CTNNBL1: variants seen among roughly 807,000 people sequenced by gnomAD.
The protein encoded by CTNNBL1 is catenin beta like 1.
CTNNBL1 carries 31 observed loss-of-function variants against 72.7 expected under a neutral mutation model. The ratio of observed to expected loss-of-function variants is 0.43; its 90% CI spans 0.32 to 0.58. The LOEUF is 0.58. Ranked by LOEUF, CTNNBL1 falls within the 20% of genes least tolerant of loss-of-function variation. The pLI is 0.08. For missense variants in CTNNBL1, 534 were observed against 725.1 expected, an observed-to-expected ratio of 0.74 and a Z score of 3.03; for synonymous variants, 240 against 267.3, an observed-to-expected ratio of 0.90 and a Z score of 1.00.
intron 4 of CTNNBL1, among the ~76,000 whole-genome samples, chr20:37,753,204 G>T (rs2073336019): frequency 6.6e-6 from 1 of 152,096 alleles, no homozygotes. Flanking sequence ...TGAAAGTTGG[G>T]AATTTATATA....
rs1284213808 is a variant in CTNNBL1, at chr20:37,721,854, G to A, written c.31-11025G>A. 2.6e-5 allele frequency among the ~76,000 whole-genome samples: 4 copies of A among 152,124 alleles called. No homozygotes were observed. The East Asian group carries it at 7.7e-4, about 29-fold the overall frequency. ...GTATATGTGTGAGCATTTCTCTAGT[G>A]TCTATGTCCCTAGGAGTAGAACTAC... is the stretch of plus-strand genomic sequence containing the variant. On this transcript the variant is annotated intron_variant, in intron 1 of 15. Transcript: ENST00000361383.
intron 12 of CTNNBL1, among the ~76,000 whole-genome samples, chr20:37,840,422 G>T (rs997765303): frequency 1.3e-5 from 2 of 152,202 alleles, no homozygotes; most frequent in African/African-American, 4.8e-5. Context: ...GATACCACTA[G>T]TACTTGAGGG....
intron 6 of CTNNBL1, among the ~76,000 whole-genome samples, chr20:37,766,850 C>T (rs2073473141): frequency 6.6e-6 from 1 of 152,072 alleles, no homozygotes; most frequent in Non-Finnish European, 1.5e-5. Context: ...AATAGGAAGC[C>T]ATCTAAAATA....
intron 13 of CTNNBL1, among the ~76,000 whole-genome samples, chr20:37,844,260 C>A (rs2072328729): frequency 6.6e-6 from 1 of 152,080 alleles, no homozygotes; most frequent in South Asian, 2.1e-4. Context: ...AGTCAGGGGA[C>A]CTAGGATTTA....
chr20:37,808,275 G>A (rs1490738208), intron 11 of CTNNBL1, among the ~76,000 whole-genome samples: 2 of 152,220 alleles, frequency 1.3e-5, no homozygotes, highest in African/African-American at 4.8e-5. Flanking sequence ...GCTGCCTTGT[G>A]TATCTTCCTA....
rs574530470 is a variant in CTNNBL1 at position 37,865,791 on chromosome 20, C to T, written c.1603+5447C>T. Among the ~76,000 whole-genome samples the T allele has an allele frequency of 2.0e-5, 3 of 152,362 alleles. No individual in the cohort carries two copies. In the South Asian group the frequency reaches 6.2e-4, roughly 32 times the overall value. ...AGCAGCCATGGCTACTGCACAGTGG[C>T]TGGTTTGCAGAGAAAATCTTAGAGG... On this transcript the variant is annotated intron_variant, in intron 15 of 15. Transcript: ENST00000361383.
chr20:37,806,272 G>A (rs2071959615), intron 11 of CTNNBL1, among the ~76,000 whole-genome samples: 1 of 152,118 alleles, frequency 6.6e-6, no homozygotes, highest in African/African-American at 2.4e-5. Context: ...TGAGGCCTGG[G>A]AATCAGCTCG....
intron 3 of CTNNBL1, among the ~76,000 whole-genome samples, chr20:37,746,120 G>T (rs1386643060): frequency 2.0e-5 from 3 of 152,174 alleles, no homozygotes; most frequent in Admixed American, 6.5e-5. Context: ...TATGTTCAGG[G>T]CAACAGAGTG....
intron 1 of CTNNBL1, among the ~76,000 whole-genome samples, chr20:37,718,187 G>T (rs1336973183): frequency 6.6e-6 from 1 of 151,282 alleles, no homozygotes; most frequent in African/African-American, 2.5e-5. Flanking sequence ...GGGGCGGCCG[G>T]GCAGAGGCGC....
intron 13 of CTNNBL1, among the ~76,000 whole-genome samples, chr20:37,845,294 C>T (rs570677378): frequency 1.3e-5 from 2 of 152,252 alleles, no homozygotes; most frequent in African/African-American, 4.8e-5. Flanking sequence ...TGTTAGGAAA[C>T]TTGGCCTGCT....
At chr20:37,870,011 TA>T (rs56281604) in intron 15 of CTNNBL1, among the ~76,000 whole-genome samples, 1,203 of 110,122 alleles carry the variant, frequency 0.011, 9 homozygotes, top group African/African-American at 0.029. Flanking sequence ...CGCCATCTCC[TA>T]AAAAAAAAAA....
At chr20:37,869,447 G>A (rs1373696904) in intron 15 of CTNNBL1, among the ~76,000 whole-genome samples, 1 of 152,238 alleles carries the variant, frequency 6.6e-6, no homozygotes, top group Non-Finnish European at 1.5e-5. Context: ...AGAAGTGCAG[G>A]CAGCCATCCT....
chr20:37,805,803 A>G (rs1253132963), intron 11 of CTNNBL1, among the ~76,000 whole-genome samples: 2 of 152,338 alleles, frequency 1.3e-5, no homozygotes, highest in Non-Finnish European at 2.9e-5. Flanking sequence ...CTCTGCCTTC[A>G]TAGCCCTTGA....
chr20:37,859,999 A>G lies in CTNNBL1; in HGVS notation c.1493A>G (p.Tyr498Cys). 6.2e-7 allele frequency: 1 copy of G among 1,614,090 alleles called. No homozygotes were observed. The highest frequency in any genetic ancestry group is 2.2e-5 in the East Asian group (1 of 44,870). ...CTCTTTGTTCTCCAGCACATCTGCT[A>G]CATCATGGCCGAGATCTGCAATGCC... ...AGLFVLQHIC[Y>C]IMAEICNANV... Residue 498 changes from tyrosine (Y) to cysteine (C), a missense_variant, in exon 14 of 16, where the codon TAC becomes TGC. Coordinates refer to ENST00000361383, the MANE Select transcript of CTNNBL1 (RefSeq NM_030877.5).
At chr20:37,722,433 C>T (rs1464219974) in intron 1 of CTNNBL1, among the ~76,000 whole-genome samples, 1 of 151,626 alleles carries the variant, frequency 6.6e-6, no homozygotes, top group African/African-American at 2.4e-5. Context: ...AAGATCACAC[C>T]ACTGCACTCC....
At chr20:37,708,697 T>C (rs2072911360) in intron 1 of CTNNBL1, among the ~76,000 whole-genome samples, 1 of 152,202 alleles carries the variant, frequency 6.6e-6, no homozygotes, top group Admixed American at 6.5e-5. Flanking sequence ...TGGAGTTCAG[T>C]GAAGGATCTA....
intron 5 of CTNNBL1, among the ~76,000 whole-genome samples, chr20:37,764,736 A>T (rs1463114801): frequency 6.6e-6 from 1 of 152,242 alleles, no homozygotes; most frequent in Non-Finnish European, 1.5e-5. Context: ...AGGTCAACAT[A>T]GAATGTGGCT....
intron 9 of CTNNBL1, 119 bp downstream of exon 9, chr20:37,777,831 T>A: frequency 9.5e-7 from 1 of 1,048,114 alleles, no homozygotes; most frequent in Non-Finnish European, 1.5e-6. Flanking sequence ...TGGAGCATGT[T>A]GGCAGGTTTG....
intron 5 of CTNNBL1, among the ~76,000 whole-genome samples, chr20:37,763,149 G>A (rs2122656958): frequency 6.6e-6 from 1 of 152,330 alleles, no homozygotes; most frequent in East Asian, 1.9e-4. Context: ...AGGATTCAGG[G>A]AGATTATAAG....
Sources: gnomAD v4.1 joint callset for allele counts (sites outside exome capture counted in the v4.1 genomes callset) on GRCh38, gnomAD v4.1.1 for gene constraint, MANE v1.5 for transcripts, NCBI Gene and HGNC (gene_info 2026-07-23, HGNC 2026-07-21) for gene names.